PSPC1: variants seen among roughly 807,000 people sequenced by gnomAD.
The protein encoded by PSPC1 is paraspeckle component 1, also known as paraspeckle protein 1.
Under a neutral mutation model 51.6 loss-of-function variants are expected in PSPC1, and 14 were observed. That is an observed-to-expected ratio of 0.27 (90% CI 0.18 to 0.42). PSPC1 has a LOEUF of 0.42. Ranked by LOEUF, PSPC1 falls within the 10% of genes least tolerant of loss-of-function variation. The pLI is 1.00. For synonymous variants in PSPC1, 193 were observed against 231.9 expected (o/e 0.83, Z 1.53); for missense variants, 406 against 701.1 (o/e 0.58, Z 4.75).
intron 6 of PSPC1, among the ~76,000 whole-genome samples, chr13:19,681,779 T>C (rs1307350492): frequency 2.4e-4 from 37 of 152,218 alleles, no homozygotes; most frequent in Non-Finnish European, 1.5e-5. Flanking sequence ...CAACTGAATA[T>C]GATCCTTTGC....
At chr13:19,746,718 T>C (rs542284069) in intron 4 of PSPC1, among the ~76,000 whole-genome samples, 1 of 152,132 alleles carries the variant, frequency 6.6e-6, no homozygotes, top group Admixed American at 6.5e-5. Context: ...AATTTTTTTT[T>C]AATGTAATGG....
downstream of PSPC1, among the ~76,000 whole-genome samples, chr13:19,698,782 G>A (rs1300494092): frequency 3.3e-5 from 5 of 151,856 alleles, no homozygotes; most frequent in Non-Finnish European, 7.4e-5. Context: ...GGTAACTGAA[G>A]CCATAAAATT....
chr13:19,755,627 G>A lies in PSPC1; in HGVS notation c.770+3696C>T, dbSNP rs375024458. The stretch of plus-strand genomic sequence containing the variant: ...ACAATAGATATGAATTATAATCAAC[G>A]CTAATGCTAATGCTTCCTCCCTGAA... On this transcript the variant is annotated intron_variant, in intron 3 of 8. Coordinates refer to ENST00000338910, the MANE Select transcript of PSPC1 (RefSeq NM_001354909.2). Among the ~76,000 whole-genome samples the A allele has an allele frequency of 8.6e-5, 13 of 150,934 alleles. No individual in the cohort carries two copies. In the East Asian group the frequency reaches 2.5e-3, roughly 29 times the overall value.
At chr13:19,754,078 TTTTC>T (rs773202918) in intron 3 of PSPC1, among the ~76,000 whole-genome samples, 27 of 152,122 alleles carry the variant, frequency 1.8e-4, no homozygotes, top group South Asian at 1.2e-3. Flanking sequence ...AGCATTTTCT[TTTTC>T]TTTCTTTCTT....
intron 1 of PSPC1, among the ~76,000 whole-genome samples, chr13:19,779,031 T>C (rs1889551253): frequency 7.5e-6 from 1 of 132,948 alleles, no homozygotes; most frequent in African/African-American, 2.8e-5. Context: ...CTGCCCCATC[T>C]GGGATGTGAG....
At chr13:19,755,804 G>A (rs1300124540) in intron 3 of PSPC1, among the ~76,000 whole-genome samples, 1 of 152,026 alleles carries the variant, frequency 6.6e-6, no homozygotes, top group Non-Finnish European at 1.5e-5. Flanking sequence ...TTGGTCCTTT[G>A]ACTTTAAAAT....
In PSPC1 at chr13:19,779,663, G is replaced by A. The variant is rs777559225; in HGVS notation, c.372+2723C>T. On this transcript the variant is annotated intron_variant, in intron 1 of 8. Transcript: ENST00000338910. ...GAGGAGCCCCTCTGCCCGGCCAGCC[G>A]CCCCGTCCGGGAGGGAGGTGGGGGG... Among the ~76,000 whole-genome samples, 465 of 55,692 alleles carry A rather than the reference G, an allele frequency of 8.3e-3. 1 individual carries two copies. The highest frequency in any genetic ancestry group is 0.012 in the African/African-American group (147 of 12,076). 36.5% of individuals were successfully genotyped at this position (55,692 alleles called of 152,430 possible).
Position 19,731,196 on chromosome 13 carries a change from G to C in PSPC1, c.1053-852C>G, listed in dbSNP as rs904456560. Among the ~76,000 whole-genome samples, 7 of 152,204 alleles carry C rather than the reference G, an allele frequency of 4.6e-5. No homozygotes were observed. The East Asian group carries it at 1.3e-3, about 29-fold the overall frequency. On this transcript the variant is annotated intron_variant, in intron 5 of 8. Coordinates refer to ENST00000338910, the MANE Select transcript of PSPC1 (RefSeq NM_001354909.2). ...GGTGTCAGTCCACAATCTGCTTTTA[G>C]AAATTACGTGTTATAGCATAAACAT...
At chr13:19,744,541 A>G (rs896217446) in intron 4 of PSPC1, among the ~76,000 whole-genome samples, 3 of 152,138 alleles carry the variant, frequency 2.0e-5, no homozygotes, top group South Asian at 2.1e-4. Flanking sequence ...TAAAAAGTAC[A>G]TAACTAGAGA....
intron 6 of PSPC1, among the ~76,000 whole-genome samples, chr13:19,715,573 G>A (rs1253320727): frequency 6.6e-6 from 1 of 152,058 alleles, no homozygotes; most frequent in Non-Finnish European, 1.5e-5. Flanking sequence ...CAAAATGTAG[G>A]CAAAACTTTC....
At chr13:19,676,492 A>G (rs1241586805) in intron 7 of PSPC1, among the ~76,000 whole-genome samples, 4 of 152,064 alleles carry the variant, frequency 2.6e-5, no homozygotes, top group Admixed American at 6.5e-5. Flanking sequence ...AAAAGGTATA[A>G]TTTCTCAAAA....
chr13:19,770,175 G>T (rs1301511521), intron 2 of PSPC1, among the ~76,000 whole-genome samples: 1 of 152,004 alleles, frequency 6.6e-6, no homozygotes, highest in African/African-American at 2.4e-5. Flanking sequence ...AGACACAGAA[G>T]AATACATACT....
At chr13:19,677,298 G>A (rs1007989714) in intron 7 of PSPC1, among the ~76,000 whole-genome samples, 14 of 151,602 alleles carry the variant, frequency 9.2e-5, no homozygotes, top group African/African-American at 3.4e-4. Flanking sequence ...TTCTAGGTTT[G>A]GAGGTCATTA....
At chr13:19,775,252 T>C (rs1327307757) in intron 1 of PSPC1, among the ~76,000 whole-genome samples, 2 of 152,046 alleles carry the variant, frequency 1.3e-5, no homozygotes, top group African/African-American at 4.8e-5. Flanking sequence ...CTCAGGAGGC[T>C]GAGGCAGGAG....
chr13:19,744,496 C>T (rs1364327931), intron 4 of PSPC1, among the ~76,000 whole-genome samples: 1 of 152,178 alleles, frequency 6.6e-6, no homozygotes, highest in African/African-American at 2.4e-5. Context: ...CATCTGTACA[C>T]TGCCATGATA....
chr13:19,702,098 C>T (rs1316917911), downstream of PSPC1, among the ~76,000 whole-genome samples: 2 of 296 alleles, frequency 6.8e-3, no homozygotes, highest in Admixed American at 0.083. Context: ...GAACTGTACT[C>T]CTTGGATGTC....
At chr13:19,738,451 A>C (rs923183497) in intron 5 of PSPC1, among the ~76,000 whole-genome samples, 1 of 152,208 alleles carries the variant, frequency 6.6e-6, no homozygotes. Flanking sequence ...ATCTCTACTT[A>C]TAATACCTAA....
At chr13:19,687,723 C>G (rs1403724724) in intron 6 of PSPC1, among the ~76,000 whole-genome samples, 3 of 151,718 alleles carry the variant, frequency 2.0e-5, no homozygotes, top group Non-Finnish European at 4.4e-5. Context: ...CCCTTCTTCT[C>G]CATCCCACTA....
At chr13:19,678,364 A>G (rs1876896010) in intron 6 of PSPC1, 1 of 153,308 alleles carries the variant, frequency 6.5e-6, no homozygotes, top group African/African-American at 2.4e-5. Context: ...CAAAGAGCAC[A>G]TACCCAAAAC....
Sources: gnomAD v4.1 joint callset for allele counts (sites outside exome capture counted in the v4.1 genomes callset) on GRCh38, gnomAD v4.1.1 for gene constraint, MANE v1.5 for transcripts, NCBI Gene and HGNC (gene_info 2026-07-23, HGNC 2026-07-21) for gene names.